The following ABCA13 variants were observed in gnomAD, a reference collection of about 807,000 sequenced individuals.
The protein encoded by ABCA13 is ATP binding cassette subfamily A member 13, also known as ATP-binding cassette sub-family A member 13.
Under a neutral mutation model 478.7 loss-of-function variants are expected in ABCA13, and 476 were observed. The ratio of observed to expected loss-of-function variants is 0.99; its 90% confidence interval spans 0.92 to 1.07. ABCA13 has a LOEUF of 1.07. Among genes scored for constraint, ABCA13 ranks in the 50% least tolerant of loss-of-function variants. The pLI is 0.00. For synonymous variants in ABCA13, 2,252 were observed against 2,158.9 expected (o/e 1.04, Z -1.20); for missense variants, 6,060 against 5,910.6 (o/e 1.03, Z -0.83).
chr7:48,278,967 G>T lies in ABCA13; in HGVS notation c.7773G>T (p.Leu2591Phe), dbSNP rs1380781320. The change falls in exon 18 of 62, where the codon TTG becomes TTT. Residue 2591 changes from leucine (L) to phenylalanine (F), a missense_variant. Physicochemically the swap from Leu to Phe is conservative, Grantham distance 22. Around this residue, in one of 3 missense-constraint regions of ABCA13, gnomAD observed 4,423 missense variants for 4,309.1 expected, o/e 1.03. Coordinates refer to ENST00000435803, the MANE Select transcript of ABCA13 (RefSeq NM_152701.5). Reference protein sequence around the residue: ...HFTFEKINDLLVPFLDLAFEM... With the variant: ...HFTFEKINDLFVPFLDLAFEM... Reference sequence around the variant, plus strand: ...CATTTGAAAAGATAAATGATTTGTTGGTGCCATTTCTTGACTTGGCCTTTG... The same window carrying T: ...CATTTGAAAAGATAAATGATTTGTTTGTGCCATTTCTTGACTTGGCCTTTG... 1.2e-6 allele frequency: 2 copies of T among 1,613,314 alleles called. No individual in the cohort carries two copies. The highest frequency in any genetic ancestry group is 1.7e-6 in the Non-Finnish European group (2 of 1,179,798).
chr7:48,499,035 T>A (rs1016215289), intron 48 of ABCA13, among the ~76,000 whole-genome samples: 1 of 152,192 alleles, frequency 6.6e-6, no homozygotes, highest in African/African-American at 2.4e-5. Context: ...CAGTGATTAC[T>A]TCTGATTGGT....
intron 15 of ABCA13, among the ~76,000 whole-genome samples, chr7:48,260,459 T>C (rs1486248744): frequency 6.6e-6 from 1 of 152,116 alleles, no homozygotes; most frequent in Admixed American, 6.5e-5. Context: ...AATGTAGTTT[T>C]ATCACATTTT....
intron 23 of ABCA13, among the ~76,000 whole-genome samples, chr7:48,305,993 G>A (rs1800846433): frequency 6.6e-6 from 1 of 152,178 alleles, no homozygotes; most frequent in African/African-American, 2.4e-5. Flanking sequence ...AATCACACAA[G>A]ATATTTCCAA....
chr7:48,522,640 T>C (rs1022598897), intron 53 of ABCA13, among the ~76,000 whole-genome samples: 2 of 152,218 alleles, frequency 1.3e-5, no homozygotes, highest in Non-Finnish European at 2.9e-5. Flanking sequence ...TGGATTCCTG[T>C]ATTAGGACAC....
In ABCA13 at chr7:48,245,492, T is replaced by A; in HGVS notation, c.1391-20T>A. 6.3e-7 allele frequency: 1 copy of A among 1,589,494 alleles called. No individual in the cohort carries two copies. The highest frequency in any genetic ancestry group is 1.2e-5 in the South Asian group (1 of 86,176). Reference sequence around the variant, plus strand: ...CTTACTTACCTTAGGTGAATAATAATCAATTTGTCTACTTTGCAGAAGTCC... The same window carrying A: ...CTTACTTACCTTAGGTGAATAATAAACAATTTGTCTACTTTGCAGAAGTCC... On this transcript the variant is annotated intron_variant, in intron 11 of 61. Coordinates refer to ENST00000435803, the MANE Select transcript of ABCA13 (RefSeq NM_152701.5).
intron 5 of ABCA13, among the ~76,000 whole-genome samples, chr7:48,223,126 G>A (rs148648234): frequency 0.012 from 1,824 of 152,178 alleles, 16 homozygotes; most frequent in Middle Eastern, 0.034. Flanking sequence ...CTCAGTAATT[G>A]GAAAAATGGA....
chr7:48,274,253 A>G lies in ABCA13; in HGVS notation c.4587A>G (p.Pro1529=). 1 of 1,613,118 alleles carries G rather than the reference A, an allele frequency of 6.2e-7. No homozygotes were observed. The part of the protein sequence containing the change: ...WRYFTELILR[P]IEMSDEIPNQ... The stretch of plus-strand genomic sequence containing the variant: ...ATTTTACTGAATTAATTCTAAGACC[A>G]ATAGAAATGTCAGATGAAATTCCTA... The change falls in exon 17 of 62, where the codon CCA becomes CCG. Residue 1529 remains proline (P), a synonymous_variant. Transcript: ENST00000435803.
rs1404174729 is a variant in ABCA13 at position 48,644,664 on chromosome 7, A to G, written c.14991A>G (p.Gly4997=). 1.2e-6 allele frequency: 2 copies of G among 1,606,230 alleles called. No individual in the cohort carries two copies. The highest frequency in any genetic ancestry group is 4.5e-5 in the East Asian group (2 of 44,598). The change falls in exon 61 of 62, where the codon GGA becomes GGG. Residue 4997 remains glycine (G), a synonymous_variant. Coordinates refer to ENST00000435803, the MANE Select transcript of ABCA13 (RefSeq NM_152701.5). ...AATATCATGTGCCAAAAAGATGGGG[A>G]TGCCTAGCTGACTTGTTCAAAGTTA... ...LLEYHVPKRW[G]CLADLFKVIE...
intron 56 of ABCA13, among the ~76,000 whole-genome samples, chr7:48,581,098 G>A (rs78260689): frequency 0.018 from 2,673 of 152,250 alleles, 79 homozygotes; most frequent in African/African-American, 0.061. Context: ...TACCTTTTCT[G>A]CACCTCATTA....
Position 48,272,771 on chromosome 7 carries a change from A to C in ABCA13, c.3105A>C (p.Ser1035=), listed in dbSNP as rs758819847. 1 of 1,606,660 alleles carries C rather than the reference A, an allele frequency of 6.2e-7. No individual in the cohort carries two copies. Among genetic ancestry groups the C allele is most frequent in the East Asian group, 2.2e-5 (1 of 44,736 alleles). ...SNVSYCQQLL[S]IFNFLELQAQ... ...TATCTTACTGTCAGCAATTGCTTTCAATTTTTAACTTTTTGGAGCTTCAGG... is the reference window on the plus strand; with the variant it reads ...TATCTTACTGTCAGCAATTGCTTTCCATTTTTAACTTTTTGGAGCTTCAGG... The change falls in exon 17 of 62, where the codon TCA becomes TCC. Residue 1035 remains serine (S), a synonymous_variant. Coordinates refer to ENST00000435803, the MANE Select transcript of ABCA13 (RefSeq NM_152701.5).
At chr7:48,562,114 G>T (rs1023859887) in intron 55 of ABCA13, among the ~76,000 whole-genome samples, 2 of 87,608 alleles carry the variant, frequency 2.3e-5, no homozygotes, top group African/African-American at 1.5e-4. Flanking sequence ...TGGGGGGGGA[G>T]GTGGATACAA....
intron 54 of ABCA13, among the ~76,000 whole-genome samples, chr7:48,525,066 C>A (rs1832796827): frequency 6.6e-6 from 1 of 152,078 alleles, no homozygotes; most frequent in African/African-American, 2.4e-5. Flanking sequence ...CTGAGAAATT[C>A]AAAATAGGTT....
chr7:48,383,842 A>G (rs1356214594), intron 35 of ABCA13, among the ~76,000 whole-genome samples: 2 of 152,160 alleles, frequency 1.3e-5, no homozygotes, highest in East Asian at 3.8e-4. Context: ...CCTCTGTTTT[A>G]AAAAAATATT....
intron 43 of ABCA13, among the ~76,000 whole-genome samples, chr7:48,462,101 C>G (rs566141376): frequency 1.3e-5 from 2 of 152,060 alleles, no homozygotes; most frequent in Non-Finnish European, 2.9e-5. Context: ...GTTTTCCAGA[C>G]GTGGAGAAGA....
Position 48,319,969 on chromosome 7 carries a change from CT to C in ABCA13, c.9999+2674del, listed in dbSNP as rs553233560. On this transcript the variant is annotated intron_variant, in intron 27 of 61. Transcript: ENST00000435803. ...TCCCCATCCCTGAACACTTGTACCC[CT>C]CACACCCATCCATATCCTTCCACAG... Among the ~76,000 whole-genome samples the C allele has an allele frequency of 7.6e-4, 116 of 152,256 alleles. No homozygotes were observed. The South Asian group carries it at 0.021, about 28-fold the overall frequency.
intron 27 of ABCA13, among the ~76,000 whole-genome samples, chr7:48,317,846 T>G (rs996392293): frequency 3.9e-5 from 6 of 152,330 alleles, no homozygotes; most frequent in African/African-American, 1.4e-4. Flanking sequence ...GCTCTGCTTA[T>G]TTTCCTTTCC....
intron 29 of ABCA13, among the ~76,000 whole-genome samples, chr7:48,345,056 T>C (rs1807851323): frequency 6.6e-6 from 1 of 152,174 alleles, no homozygotes; most frequent in Non-Finnish European, 1.5e-5. Context: ...GATGTTCCTA[T>C]AAGGTCATAA....
Position 48,411,432 on chromosome 7 carries a change from C to T in ABCA13, c.12228+755C>T, listed in dbSNP as rs577818010. 8.8e-4 allele frequency among the ~76,000 whole-genome samples: 134 copies of T among 151,826 alleles called. 2 individuals are homozygous for T. In the South Asian group the frequency reaches 0.027, roughly 31 times the overall value. The stretch of plus-strand genomic sequence containing the variant: ...AAGCAATTCTCCTGCCTCAGCCTCC[C>T]GAGTAGCTGGGACTACAGACACATG... On this transcript the variant is annotated intron_variant, in intron 40 of 61. Transcript: ENST00000435803.
chr7:48,460,825 G>C (rs1235949099), intron 43 of ABCA13, among the ~76,000 whole-genome samples: 1 of 152,174 alleles, frequency 6.6e-6, no homozygotes, highest in Non-Finnish European at 1.5e-5. Context: ...GTGATTGTTG[G>C]TGTATATTTG....
Sources: allele counts gnomAD v4.1 joint callset (sites outside exome capture counted in the v4.1 genomes callset), GRCh38; gene constraint gnomAD v4.1.1; regional missense constraint gnomAD v4.1.1; transcripts MANE v1.5; gene names NCBI Gene and HGNC (gene_info 2026-07-23, HGNC 2026-07-21).